The following CHRDL2 variants were observed in gnomAD, a reference collection of about 807,000 sequenced individuals.
CHRDL2 encodes chordin-like protein 2.
In CHRDL2, 41 loss-of-function variants were observed where a neutral mutation model predicts 54.3. The ratio of observed to expected loss-of-function variants is 0.76; its 90% CI spans 0.59 to 0.98. The LOEUF (loss-of-function observed/expected upper bound fraction) is 0.98. CHRDL2 is among the 50% of genes least tolerant of loss of function. The pLI is 0.00. For missense variants in CHRDL2, 518 were observed against 562.4 expected (o/e 0.92, Z 0.80); for synonymous variants, 220 against 224.3 (o/e 0.98, Z 0.17).
chr11:74,706,596 T>G, intron 5 of CHRDL2, 54 bp from the exon 6 acceptor site: 1 of 1,584,086 alleles, frequency 6.3e-7, no homozygotes, highest in Non-Finnish European at 8.7e-7. Flanking sequence ...CCTTGCTGGC[T>G]AGAGCCCTGA....
rs765077729 is a variant in CHRDL2 at position 74,702,928 on chromosome 11, G to A, written c.986C>T (p.Thr329Ile). The A allele has an allele frequency of 6.2e-7, 1 of 1,614,114 alleles. No homozygotes were observed. Among genetic ancestry groups the A allele is most frequent in the Non-Finnish European group, 8.5e-7 (1 of 1,179,970 alleles). ...ADPGHSEISS[T>I]RCPKAPGRVL... ...CCGGCCCGGTGCCTTGGGACACCTG[G>A]TAGAACTGATCTCACTGTGGCCAGG... is the stretch of plus-strand genomic sequence containing the variant. The change falls in exon 9 of 11, where the codon ACC (threonine) becomes ATC (isoleucine). Residue 329 changes from threonine to isoleucine, a missense_variant. Transcript: ENST00000376332.
intron 4 of CHRDL2, among the ~76,000 whole-genome samples, chr11:74,708,899 G>C (rs1374404209): frequency 6.6e-6 from 1 of 152,210 alleles, no homozygotes; most frequent in Non-Finnish European, 1.5e-5. Context: ...GGCCTTCTGG[G>C]GGTCAGGGGC....
chr11:74,698,914 A>G (rs1248640710), intron 9 of CHRDL2: 1 of 152,262 alleles, frequency 6.6e-6, no homozygotes, highest in Admixed American at 6.5e-5. Flanking sequence ...TGCAACCAGC[A>G]AGGCCTCTGC....
Position 74,702,775 on chromosome 11 carries a change from G to C in CHRDL2, c.1120+19C>G. 6.2e-7 allele frequency: 1 copy of C among 1,613,300 alleles called. No individual in the cohort carries two copies. Among genetic ancestry groups the C allele is most frequent in the South Asian group, 1.1e-5 (1 of 91,044 alleles). On this transcript the variant is annotated intron_variant, in intron 9 of 10. Transcript: ENST00000376332. ...GACTGGCCAGAGGTACACCCCACTG[G>C]GAGTGGGCCAGCACTCACCTTTTAC...
chr11:74,713,514 G>C (rs376401877), intron 2 of CHRDL2, 35 bp from the exon 3 acceptor site: 3 of 1,557,408 alleles, frequency 1.9e-6, no homozygotes, highest in African/African-American at 2.7e-5. Context: ...CTGGTTCAAA[G>C]AACCATCGTC....
At position 74,704,608 on chromosome 11, in the gene CHRDL2, C is replaced by G; in HGVS notation, c.629G>C (p.Gly210Ala). The G allele has an allele frequency of 6.2e-7, 1 of 1,603,254 alleles. No individual in the cohort carries two copies. The highest frequency in any genetic ancestry group is 8.5e-7 in the Non-Finnish European group (1 of 1,175,146). Residue 210 changes from glycine to alanine, a missense_variant, in exon 7 of 11, where the codon GGC becomes GCC. Coordinates refer to ENST00000376332, the MANE Select transcript of CHRDL2 (RefSeq NM_001278473.3). ...GCCAGTGGGGGCTGGGGTGCCCGGGCCTCTCTTTCTCCCAGCATCACTGGA... is the reference window on the plus strand; with the variant it reads ...GCCAGTGGGGGCTGGGGTGCCCGGGGCTCTCTTTCTCCCAGCATCACTGGA... The part of the protein sequence containing the change: ...PCSSDAGRKR[G>A]PGTPAPTGLS...
chr11:74,699,491 C>T (rs956419810), intron 9 of CHRDL2: 3 of 152,294 alleles, frequency 2.0e-5, no homozygotes, highest in African/African-American at 7.2e-5. Context: ...CTGAGCAATT[C>T]ACAGTGTTGG....
chr11:74,728,771 A>G (rs2034608626), intron 1 of CHRDL2, among the ~76,000 whole-genome samples: 1 of 152,164 alleles, frequency 6.6e-6, no homozygotes, highest in Admixed American at 6.6e-5. Context: ...GTATAGGTAT[A>G]TTGATGGGTA....
intron 1 of CHRDL2, among the ~76,000 whole-genome samples, chr11:74,723,679 C>T (rs2034530683): frequency 1.3e-5 from 2 of 152,186 alleles, no homozygotes. Flanking sequence ...TTGATCTGAT[C>T]ACTGAGACAG....
chr11:74,710,967 C>T lies in CHRDL2; in HGVS notation c.314G>A (p.Arg105Gln), dbSNP rs538148268. 2.5e-6 allele frequency: 4 copies of T among 1,613,944 alleles called. No individual in the cohort carries two copies. Among genetic ancestry groups the T allele is most frequent in the South Asian group, 1.1e-5 (1 of 91,046 alleles). ...GTGCTGGCAGGACTTTGGTGGGGCC[C>T]GGAGTCCAGAGGGAGTGTGAGGTTC... ...CVEPHTPSGL[R>Q]APPKSCQHNG... is the part of the protein sequence containing the mutation. The change falls in exon 4 of 11, where the codon CGG becomes CAG. Residue 105 changes from arginine (R) to glutamine (Q), a missense_variant. Physicochemically the swap from Arg to Gln is conservative, Grantham distance 43. Coordinates refer to ENST00000376332, the MANE Select transcript of CHRDL2 (RefSeq NM_001278473.3).
chr11:74,704,390 G>C, intron 7 of CHRDL2, 96 bp downstream of exon 7: 1 of 1,211,104 alleles, frequency 8.3e-7, no homozygotes, highest in Non-Finnish European at 1.2e-6. Context: ...TTAGGGAACT[G>C]CTGAGGAGAG....
rs777407456 is a variant in CHRDL2 at position 74,702,984 on chromosome 11, C to T, written c.947-17G>A. 6.3e-7 allele frequency: 1 copy of T among 1,587,612 alleles called. No individual in the cohort carries two copies. Among genetic ancestry groups the T allele is most frequent in the Admixed American group, 1.8e-5 (1 of 56,372 alleles). The stretch of plus-strand genomic sequence containing the variant: ...CTTTGTCCTCTGGAGAGACAAGAAG[C>T]TCATGAAGTGTTCAATAAACGTTGG... On this transcript the variant is annotated splice_polypyrimidine_tract_variant and intron_variant, in intron 8 of 10. Transcript: ENST00000376332.
At chr11:74,704,685 GACT>G in intron 6 of CHRDL2, 31 bp from the exon 7 acceptor site, 1 of 1,596,204 alleles carries the variant, frequency 6.3e-7, no homozygotes, top group South Asian at 1.1e-5. Context: ...GAAAGTCACT[GACT>G]GAGCATAGCA....
intron 1 of CHRDL2, chr11:74,719,295 T>C (rs1375557479): frequency 6.2e-6 from 1 of 161,868 alleles, no homozygotes; most frequent in Non-Finnish European, 1.3e-5. Flanking sequence ...GTTTCCTTTT[T>C]ATTTGTCCCA....
intron 7 of CHRDL2, 45 bp downstream of exon 7, chr11:74,704,441 C>A: frequency 1.3e-6 from 2 of 1,556,356 alleles, no homozygotes; most frequent in Non-Finnish European, 1.7e-6. Context: ...GCAGTCAGGG[C>A]CCCCCTTCCC....
chr11:74,702,663 G>T lies in CHRDL2; in HGVS notation c.1120+131C>A, dbSNP rs570537391. 3.7e-6 allele frequency: 3 copies of T among 802,602 alleles called. No individual in the cohort carries two copies. In the Admixed American group the frequency reaches 6.9e-5, roughly 19 times the overall value. The allele number at this position is 802,602 out of a possible 1,614,324, so 49.7% of individuals were successfully genotyped here. A position where few individuals can be genotyped will look rare whatever the true frequency, so the allele number is the denominator to read the frequency against. On this transcript the variant is annotated intron_variant, in intron 9 of 10. Transcript: ENST00000376332. Reference sequence around the variant, plus strand: ...TATCTTCCTGCATCTTGGAATCAGGGGCTCTTAAACCTGGCGGGGCAGCCA... The same window carrying T: ...TATCTTCCTGCATCTTGGAATCAGGTGCTCTTAAACCTGGCGGGGCAGCCA...
At chr11:74,710,770 C>A (rs944018231) in intron 4 of CHRDL2, 79 bp downstream of exon 4, 7 of 1,501,950 alleles carry the variant, frequency 4.7e-6, no homozygotes, top group African/African-American at 1.4e-5. Flanking sequence ...ACAATCCCCC[C>A]AGTCCGCAGT....
chr11:74,706,635 C>A, intron 5 of CHRDL2, 93 bp from the exon 6 acceptor site: 1 of 1,206,218 alleles, frequency 8.3e-7, no homozygotes. Flanking sequence ...CTGTCCATTC[C>A]CAAGGCCTGC....
At chr11:74,719,172 CAGAGAGGG>C in intron 1 of CHRDL2, 1 of 201,152 alleles carries the variant, frequency 5.0e-6, no homozygotes, top group Non-Finnish European at 1.0e-5. Flanking sequence ...AAATGAGGCC[CAGAGAGGG>C]TAAGTTACAC....
Sources: gnomAD v4.1 joint callset for allele counts (sites outside exome capture counted in the v4.1 genomes callset) on GRCh38, gnomAD v4.1.1 for gene constraint, MANE v1.5 for transcripts, NCBI Gene and HGNC (gene_info 2026-07-23, HGNC 2026-07-21) for gene names.